Variants in HIP1 observed in about 807,000 individuals in gnomAD.
HIP1 encodes huntingtin interacting protein 1.
A neutral mutation model predicts 147.6 loss-of-function variants in HIP1; 65 were observed. That is an observed-to-expected ratio of 0.44 (90% CI 0.36 to 0.54). The LOEUF (loss-of-function observed/expected upper bound fraction) is 0.54, where lower values mean the gene tolerates loss of function less well. HIP1 is among the 20% of genes least tolerant of loss of function. The probability of loss-of-function intolerance (pLI) is 0.00; values close to 1 mark genes in which losing one functional copy is unlikely to be tolerated. For synonymous variants in HIP1, 479 were observed against 504.0 expected (o/e 0.95, Z 0.67); for missense variants, 1,061 against 1,299.6 (o/e 0.82, Z 2.82).
Position 75,579,810 on chromosome 7 carries a change from T to C in HIP1, c.604+1427A>G, listed in dbSNP as rs587747540. ...CAAGAGTGGGTCCTGCCTGTCCACA[T>C]GCAGAGAAGGCCACGAGGCTTGGGC... On this transcript the variant is annotated intron_variant, in intron 7 of 30. Transcript: ENST00000336926. Among the ~76,000 whole-genome samples the C allele has an allele frequency of 2.0e-5, 3 of 152,282 alleles. No individual in the cohort carries two copies. The East Asian group carries it at 5.8e-4, about 29-fold the overall frequency.
intron 1 of HIP1, among the ~76,000 whole-genome samples, chr7:75,599,960 C>T (rs1368324712): frequency 6.6e-6 from 1 of 151,568 alleles, no homozygotes; most frequent in Admixed American, 6.6e-5. Context: ...CTCAGCCTCC[C>T]GAGTAGCTGG....
intron 1 of HIP1, among the ~76,000 whole-genome samples, chr7:75,609,315 T>C (rs1373047359): frequency 1.3e-5 from 2 of 152,174 alleles, no homozygotes; most frequent in African/African-American, 4.8e-5. Context: ...GCAAGGCTTC[T>C]TGGGGGCTCA....
intron 29 of HIP1, 86 bp from the exon 30 acceptor site, chr7:75,539,517 G>A (rs1392658643): frequency 1.8e-6 from 2 of 1,088,502 alleles, no homozygotes; most frequent in Non-Finnish European, 2.7e-6. Flanking sequence ...ATGGGGTCTT[G>A]TTCTGCTGCC....
intron 1 of HIP1, among the ~76,000 whole-genome samples, chr7:75,704,267 CAG>C (rs1584964187): frequency 6.6e-6 from 1 of 152,016 alleles, no homozygotes; most frequent in African/African-American, 2.4e-5. Flanking sequence ...ATTTTTGAGA[CAG>C]AGTTTCGCTC....
chr7:75,665,258 T>A (rs1799520332), intron 1 of HIP1, among the ~76,000 whole-genome samples: 1 of 151,996 alleles, frequency 6.6e-6, no homozygotes, highest in Non-Finnish European at 1.5e-5. Context: ...CAAGACCCTA[T>A]CTCTATAAAA....
intron 1 of HIP1, among the ~76,000 whole-genome samples, chr7:75,640,615 G>A (rs1344925610): frequency 6.6e-6 from 1 of 151,742 alleles, no homozygotes; most frequent in Non-Finnish European, 1.5e-5. Flanking sequence ...TAGCCGGGTG[G>A]GGTGGTGTGC....
intron 1 of HIP1, among the ~76,000 whole-genome samples, chr7:75,702,524 A>C (rs1800869617): frequency 6.6e-6 from 1 of 152,194 alleles, no homozygotes. Context: ...GATTACAGGC[A>C]TGAGCCACTG....
chr7:75,734,267 A>C (rs933565062), intron 1 of HIP1, among the ~76,000 whole-genome samples: 1 of 149,986 alleles, frequency 6.7e-6, no homozygotes, highest in Admixed American at 6.7e-5. Context: ...TAAATAAATA[A>C]ATAAATAAAT....
chr7:75,714,668 G>T (rs782211579), intron 1 of HIP1, among the ~76,000 whole-genome samples: 29 of 151,808 alleles, frequency 1.9e-4, no homozygotes, highest in Non-Finnish European at 3.5e-4. Flanking sequence ...GGCCAGGCTG[G>T]TCTTGAACTC....
rs533431049 is a variant in HIP1 at position 75,689,673 on chromosome 7, G to A, written c.120+49128C>T. Among the ~76,000 whole-genome samples, 13 of 152,110 alleles carry A rather than the reference G, an allele frequency of 8.5e-5. 1 individual carries two copies. The highest frequency in any genetic ancestry group is 2.9e-4 in the African/African-American group (12 of 41,498). ...ACACGCTCCTTGGAGTACAGTTTTC[G>A]ACTGCAGCTGTGCCTCCACAAAGAA... is the stretch of plus-strand genomic sequence containing the variant. On this transcript the variant is annotated intron_variant, in intron 1 of 30. Transcript: ENST00000336926.
At position 75,579,665 on chromosome 7, in the gene HIP1, C is replaced by T. The variant is rs112773805; in HGVS notation, c.604+1572G>A. On this transcript the variant is annotated intron_variant, in intron 7 of 30. Coordinates refer to ENST00000336926, the MANE Select transcript of HIP1 (RefSeq NM_005338.7). ...GTATTACAGAATTTGTTGCCCTGTCCCAGCCATCGTACAACACAAAACAGA... is the reference window on the plus strand; with the variant it reads ...GTATTACAGAATTTGTTGCCCTGTCTCAGCCATCGTACAACACAAAACAGA... Among the ~76,000 whole-genome samples the T allele has an allele frequency of 8.3e-4, 126 of 152,210 alleles. 1 individual carries two copies. The highest frequency in any genetic ancestry group is 2.8e-3 in the African/African-American group (115 of 41,534).
chr7:75,685,207 G>T (rs1289408453), intron 1 of HIP1, among the ~76,000 whole-genome samples: 4 of 152,126 alleles, frequency 2.6e-5, no homozygotes, highest in Admixed American at 6.6e-5. Flanking sequence ...GAGCCCAAGA[G>T]TTGGAAACCA....
chr7:75,571,532 A>G (rs1214004962), intron 8 of HIP1, among the ~76,000 whole-genome samples: 1 of 152,142 alleles, frequency 6.6e-6, no homozygotes, highest in Non-Finnish European at 1.5e-5. Context: ...GAGATTCATT[A>G]CTTGTCAATA....
At chr7:75,557,838 A>G in intron 15 of HIP1, 68 bp from the exon 16 acceptor site, 1 of 1,188,522 alleles carries the variant, frequency 8.4e-7, no homozygotes, top group Non-Finnish European at 1.3e-6. Context: ...CTTCTAGGAC[A>G]ATCATACTCA....
At chr7:75,648,063 A>G (rs11975089) in intron 1 of HIP1, among the ~76,000 whole-genome samples, 51,381 of 152,208 alleles carry the variant, frequency 0.34, 8,854 homozygotes, top group Middle Eastern at 0.44. Flanking sequence ...GGGGTATGCT[A>G]GCCAGCCAGG....
rs1794108316 is a variant in HIP1, at chr7:75,537,062, T to G, written c.*1110A>C. 1 of 232,384 alleles carries G rather than the reference T, an allele frequency of 4.3e-6. No homozygotes were observed. The highest frequency in any genetic ancestry group is 8.5e-6 in the Non-Finnish European group (1 of 117,602). The allele number at this position is 232,384 out of a possible 1,614,324, so 14.4% of individuals were successfully genotyped here. A position where few individuals can be genotyped will look rare whatever the true frequency, so the allele number is the denominator to read the frequency against. The stretch of plus-strand genomic sequence containing the variant: ...AGTTGGGAATCACTCCCACACTCCG[T>G]CTCTGGGCCAAGGGAGACGGCCCGC... On this transcript the variant is annotated 3_prime_UTR_variant, in exon 31 of 31. Coordinates refer to ENST00000336926, the MANE Select transcript of HIP1 (RefSeq NM_005338.7).
intron 11 of HIP1, 87 bp downstream of exon 11, chr7:75,562,848 T>C (rs1425214726): frequency 1.4e-6 from 2 of 1,387,410 alleles, no homozygotes; most frequent in Non-Finnish European, 2.0e-6. Flanking sequence ...TTAGAGTCAA[T>C]GGGCTTTGGC....
At chr7:75,652,917 G>C (rs1799040237) in intron 1 of HIP1, among the ~76,000 whole-genome samples, 2 of 152,106 alleles carry the variant, frequency 1.3e-5, no homozygotes, top group Admixed American at 1.3e-4. Context: ...GGTCATAAAG[G>C]GTTAATGCAA....
chr7:75,562,851 G>A, intron 11 of HIP1, 84 bp downstream of exon 11: 8 of 1,418,942 alleles, frequency 5.6e-6, no homozygotes, highest in Non-Finnish European at 7.8e-6. Context: ...GAGTCAATGG[G>A]CTTTGGCCAG....
Sources: allele counts gnomAD v4.1 joint callset (sites outside exome capture counted in the v4.1 genomes callset), GRCh38; gene constraint gnomAD v4.1.1; transcripts MANE v1.5; gene names NCBI Gene and HGNC (gene_info 2026-07-23, HGNC 2026-07-21).